Variants in ZCCHC4 observed in about 807,000 individuals in gnomAD.
The protein encoded by ZCCHC4 is rRNA N(6)-adenosine-methyltransferase ZCCHC4.
In ZCCHC4, 54 loss-of-function variants were observed where a neutral mutation model predicts 67.7. The ratio of observed to expected loss-of-function variants is 0.80; its 90% CI spans 0.64 to 1.00. The LOEUF (loss-of-function observed/expected upper bound fraction) is 1.00. Among genes scored for constraint, ZCCHC4 ranks in the 50% least tolerant of loss-of-function variants. The pLI, the probability that ZCCHC4 is intolerant of heterozygous loss-of-function variation, is 0.00. For missense variants in ZCCHC4, 609 were observed against 617.0 expected (o/e 0.99, Z 0.14); for synonymous variants, 198 against 213.5 (o/e 0.93, Z 0.63).
chr4:25,352,535 A>G (rs1720350587), intron 8 of ZCCHC4: 1 of 365,312 alleles, frequency 2.7e-6, no homozygotes, highest in Non-Finnish European at 3.8e-6. Flanking sequence ...TAGCCTCCTG[A>G]GTAGCTGGGA....
At chr4:25,324,014 G>GGTTTTTTTTTTTTTTTTTTTTTTT (rs777768505) in intron 3 of ZCCHC4, among the ~76,000 whole-genome samples, 17 of 82,448 alleles carry the variant, frequency 2.1e-4, no homozygotes, top group East Asian at 1.1e-3. Context: ...TGTTTTTTGT[G>GGTTTTTTTTTTTTTTTTTTTTTTT]TTTTTTTTTT....
At chr4:25,319,386 A>C (rs1323273381) in intron 3 of ZCCHC4, among the ~76,000 whole-genome samples, 1 of 152,136 alleles carries the variant, frequency 6.6e-6, no homozygotes, top group African/African-American at 2.4e-5. Flanking sequence ...CTCCGTCTCA[A>C]AGAAAAAAAA....
intron 3 of ZCCHC4, among the ~76,000 whole-genome samples, chr4:25,327,119 A>G (rs1234491578): frequency 6.6e-6 from 1 of 152,122 alleles, no homozygotes; most frequent in African/African-American, 2.4e-5. Flanking sequence ...TACATGTGTG[A>G]TCATGTTGTC....
intron 8 of ZCCHC4, among the ~76,000 whole-genome samples, chr4:25,360,291 A>G (rs1720679361): frequency 6.6e-6 from 1 of 152,228 alleles, no homozygotes; most frequent in African/African-American, 2.4e-5. Context: ...CTTGCAGCCA[A>G]GTGGGCCATT....
In ZCCHC4 at chr4:25,365,175, A is replaced by T. The variant is rs757885959; in HGVS notation, c.1406+9A>T. 6.2e-7 allele frequency: 1 copy of T among 1,613,484 alleles called. No individual in the cohort carries two copies. The highest frequency in any genetic ancestry group is 8.5e-7 in the Non-Finnish European group (1 of 1,179,668). The stretch of plus-strand genomic sequence containing the variant: ...TCTAAGAGAGCTAACAAGTCAGTCG[A>T]ATACTTTACTAGAAAAATGTATTCC... On this transcript the variant is annotated intron_variant, in intron 12 of 12. Coordinates refer to ENST00000302874, the MANE Select transcript of ZCCHC4 (RefSeq NM_024936.3).
Position 25,351,751 on chromosome 4 carries a change from T to G in ZCCHC4, c.1011+62T>G, listed in dbSNP as rs531180947. 1.9e-3 allele frequency: 2,644 copies of G among 1,362,462 alleles called. 8 individuals carry two copies. The highest frequency in any genetic ancestry group is 2.6e-3 in the Non-Finnish European group (2,515 of 979,024). The allele number at this position is 1,362,462 out of a possible 1,614,324, so 84.4% of individuals were successfully genotyped here. ...AATGGAGATTCTACTTGAATAGATA[T>G]AAGACTATTCATTGATTTTAGTAAA... is the stretch of plus-strand genomic sequence containing the variant. On this transcript the variant is annotated intron_variant, in intron 8 of 12. Coordinates refer to ENST00000302874, the MANE Select transcript of ZCCHC4 (RefSeq NM_024936.3).
rs151124192 is a variant in ZCCHC4, at chr4:25,349,778, G to T, written c.910+136G>T. The T allele has an allele frequency of 2.8e-4, 248 of 877,636 alleles. 1 individual carries two copies. In the African/African-American group the frequency reaches 4.0e-3, roughly 14 times the overall value. The allele number at this position is 877,636 out of a possible 1,614,324, so 54.4% of individuals were successfully genotyped here. On this transcript the variant is annotated intron_variant, in intron 7 of 12. Transcript: ENST00000302874. ...TCTCTTTTTAAAAACAGGCTTATTT[G>T]ATGTTGCAGCAAACTTCATTATCAT...
At position 25,315,307 on chromosome 4, in the gene ZCCHC4, C is replaced by T. The variant is rs748533803; in HGVS notation, c.247-11C>T. On this transcript the variant is annotated splice_polypyrimidine_tract_variant and intron_variant, in intron 2 of 12. Transcript: ENST00000302874. ...CACAGTTTATTCAATGGGTTTTGTACTCTCTTTCAGTTGTCAGGAGCTAGA... is the reference window on the plus strand; with the variant it reads ...CACAGTTTATTCAATGGGTTTTGTATTCTCTTTCAGTTGTCAGGAGCTAGA... 1.9e-6 allele frequency: 3 copies of T among 1,607,348 alleles called. No individual in the cohort carries two copies. Among genetic ancestry groups the T allele is most frequent in the South Asian group, 2.2e-5 (2 of 89,900 alleles).
intron 11 of ZCCHC4, 80 bp from the exon 12 acceptor site, chr4:25,364,942 G>T: frequency 6.3e-7 from 1 of 1,576,146 alleles, no homozygotes; most frequent in Non-Finnish European, 8.6e-7. Flanking sequence ...AACACTGTTC[G>T]TATATCCTAC....
intron 8 of ZCCHC4, 146 bp from the exon 9 acceptor site, chr4:25,361,713 C>T: frequency 1.3e-6 from 1 of 792,986 alleles, no homozygotes; most frequent in South Asian, 2.0e-5. Context: ...CCCCTCAGTC[C>T]TCAGCTTGGA....
chr4:25,346,272 T>C (rs1720016379), intron 6 of ZCCHC4, among the ~76,000 whole-genome samples: 1 of 152,092 alleles, frequency 6.6e-6, no homozygotes, highest in South Asian at 2.1e-4. Flanking sequence ...TAAAAAAGCT[T>C]CTTTCAATTT....
rs1192857288 is a variant in ZCCHC4 at position 25,359,905 on chromosome 4, G to C, written c.1012-1954G>C. 6.6e-6 allele frequency among the ~76,000 whole-genome samples: 1 copy of C among 152,244 alleles called. No individual in the cohort carries two copies. The highest frequency in any genetic ancestry group is 1.5e-5 in the Non-Finnish European group (1 of 68,042). On this transcript the variant is annotated intron_variant, in intron 8 of 12. Coordinates refer to ENST00000302874, the MANE Select transcript of ZCCHC4 (RefSeq NM_024936.3). This position sits in a 1 kb window ranked among gnomAD's most constrained non-coding sequence, Gnocchi z 4.9. ...CCACATGTGAAATTAGCAATCCACT[G>C]GTCTCCCACCAATGTACAGCAAGTG...
rs79610436 is a variant in ZCCHC4 at position 25,327,958 on chromosome 4, C to T, written c.330-5225C>T. Among the ~76,000 whole-genome samples the T allele has an allele frequency of 6.8e-3, 1,033 of 152,186 alleles. 10 individuals are homozygous for T. Among genetic ancestry groups the T allele is most frequent in the African/African-American group, 0.023 (970 of 41,508 alleles). ...ACTATATTTCGTCATGATGTAATAG[C>T]TTTTTATATATTGCTGGTTTTGATT... On this transcript the variant is annotated intron_variant, in intron 3 of 12. Transcript: ENST00000302874.
chr4:25,320,448 A>C (rs1718523238), intron 3 of ZCCHC4, among the ~76,000 whole-genome samples: 1 of 152,208 alleles, frequency 6.6e-6, no homozygotes, highest in South Asian at 2.1e-4. Context: ...GTACTCCAGG[A>C]AAGGCAAATG....
chr4:25,351,777 A>G, intron 8 of ZCCHC4, 88 bp downstream of exon 8: 1 of 1,250,958 alleles, frequency 8.0e-7, no homozygotes, highest in Non-Finnish European at 1.1e-6. Context: ...TTTTAGTAAA[A>G]TACAATGAGC....
chr4:25,321,122 T>C (rs994112858), intron 3 of ZCCHC4, among the ~76,000 whole-genome samples: 8 of 152,222 alleles, frequency 5.3e-5, no homozygotes, highest in Non-Finnish European at 1.0e-4. Context: ...GCCTTAATTA[T>C]TGTTGTTATT....
chr4:25,364,448 T>C lies in ZCCHC4; in HGVS notation c.1210-6T>C, dbSNP rs1356710763. 4 of 1,507,286 alleles carry C rather than the reference T, an allele frequency of 2.7e-6. No individual in the cohort carries two copies. The highest frequency in any genetic ancestry group is 3.5e-6 in the Non-Finnish European group (4 of 1,133,112). The allele number at this position is 1,507,286 out of a possible 1,614,324, so 93.4% of individuals were successfully genotyped here. On this transcript the variant is annotated splice_region_variant and splice_polypyrimidine_tract_variant and intron_variant, in intron 10 of 12. Transcript: ENST00000302874. Reference sequence around the variant, plus strand: ...ATAATTTAAAAATTGTTTTTTTTTTTGGTAGGATGGCAGGAAATGGAACCA... The same window carrying C: ...ATAATTTAAAAATTGTTTTTTTTTTCGGTAGGATGGCAGGAAATGGAACCA...
chr4:25,321,222 CT>C (rs957304002), intron 3 of ZCCHC4, among the ~76,000 whole-genome samples: 1 of 151,448 alleles, frequency 6.6e-6, no homozygotes, highest in African/African-American at 2.4e-5. Context: ...CTCTTTCTTC[CT>C]TTCCTTTTCT....
rs755059280 is a variant in ZCCHC4, at chr4:25,364,440, T to G, written c.1210-14T>G. ...AATTAATTATAATTTAAAAATTGTT[T>G]TTTTTTTTGGTAGGATGGCAGGAAA... On this transcript the variant is annotated splice_polypyrimidine_tract_variant and intron_variant, in intron 10 of 12. Coordinates refer to ENST00000302874, the MANE Select transcript of ZCCHC4 (RefSeq NM_024936.3). The G allele has an allele frequency of 2.0e-6, 3 of 1,502,372 alleles. No homozygotes were observed. The highest frequency in any genetic ancestry group is 8.9e-7 in the Non-Finnish European group (1 of 1,129,784). 93.1% of individuals were successfully genotyped at this position (1,502,372 alleles called of 1,614,324 possible).
Sources: gnomAD v4.1 joint callset for allele counts (sites outside exome capture counted in the v4.1 genomes callset) on GRCh38, gnomAD v4.1.1 for gene constraint, Gnocchi (gnomAD v3.1) non-coding constraint, MANE v1.5 for transcripts, NCBI Gene and HGNC (gene_info 2026-07-23, HGNC 2026-07-21) for gene names.